PLXNA4: variants seen among roughly 807,000 people sequenced by gnomAD.
PLXNA4 encodes the protein plexin-A4.
PLXNA4 carries 44 observed loss-of-function variants against 191.8 expected under a neutral mutation model. The ratio of observed to expected loss-of-function variants is 0.23; its 90% CI spans 0.18 to 0.29. PLXNA4 has a LOEUF of 0.29. PLXNA4 is among the 10% of genes least tolerant of loss of function. PLXNA4 has a pLI of 1.00. For synonymous variants in PLXNA4, 1,082 were observed against 1,009.5 expected, an observed-to-expected ratio of 1.07 and a Z score of -1.36; for missense variants, 1,800 against 2,488.8, an observed-to-expected ratio of 0.72 and a Z score of 5.89.
intron 5 of PLXNA4, among the ~76,000 whole-genome samples, chr7:132,238,746 C>CA (rs1405862282): frequency 2.6e-5 from 4 of 152,020 alleles, no homozygotes; most frequent in Non-Finnish European, 5.9e-5. Context: ...GGGAACCCCC[C>CA]AGGAAGAGAA....
chr7:132,244,314 A>C (rs1798976725), intron 4 of PLXNA4, among the ~76,000 whole-genome samples: 1 of 152,040 alleles, frequency 6.6e-6, no homozygotes, highest in South Asian at 2.1e-4. Context: ...GCCTCATCTC[A>C]CTTGTTTGGT....
At chr7:132,549,508 A>T (rs1800460256) in intron 1 of PLXNA4, among the ~76,000 whole-genome samples, 1 of 152,194 alleles carries the variant, frequency 6.6e-6, no homozygotes, top group African/African-American at 2.4e-5. Context: ...AACCCTGGTG[A>T]TGCTGACACA....
intron 29 of PLXNA4, among the ~76,000 whole-genome samples, chr7:132,144,363 A>G (rs561025959): frequency 6.6e-6 from 1 of 152,296 alleles, no homozygotes; most frequent in Admixed American, 6.5e-5. Context: ...TGAAATACAA[A>G]TTACTCACAA....
chr7:132,636,183 C>T (rs561817382), intron 2 of PLXNA4, among the ~76,000 whole-genome samples: 3 of 152,230 alleles, frequency 2.0e-5, no homozygotes, highest in South Asian at 2.1e-4. Context: ...CTCAGCTCTG[C>T]GCAAGAACTC....
In PLXNA4 at chr7:132,126,227, A is replaced by AAGTC. The variant is rs1794764840; in HGVS notation, c.*4248_*4251dup. On this transcript the variant is annotated 3_prime_UTR_variant, in exon 32 of 32. Transcript: ENST00000321063. Reference sequence around the variant, plus strand: ...CTTCTTGCAGTGGAGGTCATTTGGGAAGTCATTGCTTGTGGATCCTCGGAT... The same window carrying AAGTC: ...CTTCTTGCAGTGGAGGTCATTTGGGAAGTCAGTCATTGCTTGTGGATCCTCGGAT... 6.6e-6 allele frequency: 1 copy of AAGTC among 152,326 alleles called. No individual in the cohort carries two copies. Among genetic ancestry groups the AAGTC allele is most frequent in the Admixed American group, 6.6e-5 (1 of 15,262 alleles). 9.4% of individuals were successfully genotyped at this position (152,326 alleles called of 1,614,324 possible).
rs1794731294 is a variant in PLXNA4, at chr7:132,125,033, T to C, written c.*5446A>G. The C allele has an allele frequency of 1.3e-5, 2 of 151,032 alleles. 1 individual carries two copies. The highest frequency in any genetic ancestry group is 4.2e-4 in the South Asian group (2 of 4,786). The allele number at this position is 151,032 out of a possible 1,614,324, so 9.4% of individuals were successfully genotyped here. A position where few individuals can be genotyped will look rare whatever the true frequency, so the allele number is the denominator to read the frequency against. ...AATTTTATGGGGGAGCAAAAATTTG[T>C]AGTAAAAAAAAAAAAACTCTCTCTT... On this transcript the variant is annotated 3_prime_UTR_variant, in exon 32 of 32. Coordinates refer to ENST00000321063, the MANE Select transcript of PLXNA4 (RefSeq NM_020911.2).
At chr7:132,173,841 A>G (rs1796366880) in intron 21 of PLXNA4, among the ~76,000 whole-genome samples, 1 of 152,230 alleles carries the variant, frequency 6.6e-6, no homozygotes, top group Non-Finnish European at 1.5e-5. Flanking sequence ...GGTCACTGAC[A>G]TAGCTCCCCA....
At chr7:132,527,118 G>C (rs1799429845) in intron 1 of PLXNA4, among the ~76,000 whole-genome samples, 1 of 152,162 alleles carries the variant, frequency 6.6e-6, no homozygotes, top group Non-Finnish European at 1.5e-5. Context: ...TCCAAACTTA[G>C]GATGTAGATT....
intron 1 of PLXNA4, among the ~76,000 whole-genome samples, chr7:132,516,650 C>T (rs1160054371): frequency 6.6e-6 from 1 of 152,182 alleles, no homozygotes; most frequent in Non-Finnish European, 1.5e-5. Flanking sequence ...AGGATAGATA[C>T]ATTCCAGAGC....
At chr7:132,485,559 T>C (rs937408015) in intron 3 of PLXNA4, among the ~76,000 whole-genome samples, 3 of 152,224 alleles carry the variant, frequency 2.0e-5, no homozygotes, top group Non-Finnish European at 4.4e-5. Context: ...GAGACAACAC[T>C]GAGCTGATTG....
intron 3 of PLXNA4, among the ~76,000 whole-genome samples, chr7:132,302,144 G>C (rs868148154): frequency 6.6e-5 from 10 of 152,224 alleles, no homozygotes; most frequent in African/African-American, 2.2e-4. Context: ...TAAGAGACAG[G>C]AAAAGACAGA....
intron 3 of PLXNA4, among the ~76,000 whole-genome samples, chr7:132,485,348 G>A (rs1438008900): frequency 1.3e-5 from 2 of 152,186 alleles, no homozygotes; most frequent in African/African-American, 4.8e-5. Flanking sequence ...AGCGAGAGGA[G>A]CAATCACACC....
intron 4 of PLXNA4, among the ~76,000 whole-genome samples, chr7:132,284,919 T>C (rs1003292958): frequency 6.6e-6 from 1 of 152,132 alleles, no homozygotes; most frequent in Non-Finnish European, 1.5e-5. Flanking sequence ...TTCACCATGT[T>C]GGCCAGGCTA....
intron 10 of PLXNA4, among the ~76,000 whole-genome samples, chr7:132,205,823 C>T (rs1287236682): frequency 1.3e-5 from 2 of 152,154 alleles, no homozygotes; most frequent in African/African-American, 4.8e-5. Context: ...CTGGCCAAGA[C>T]ACAAAGTAGA....
chr7:132,384,102 A>G, intron 3 of PLXNA4: 1 of 985,442 alleles, frequency 1.0e-6, no homozygotes, highest in Non-Finnish European at 1.2e-6. Flanking sequence ...CAGTGCAAGC[A>G]CACAGATGAA....
intron 21 of PLXNA4, among the ~76,000 whole-genome samples, chr7:132,169,784 C>T (rs1796229714): frequency 6.6e-6 from 1 of 151,854 alleles, no homozygotes; most frequent in Non-Finnish European, 1.5e-5. Flanking sequence ...GGCATGTTCA[C>T]TTGGGGAAAA....
chr7:132,638,643 C>T (rs1803656988), intron 2 of PLXNA4, among the ~76,000 whole-genome samples: 2 of 151,986 alleles, frequency 1.3e-5, no homozygotes, highest in Admixed American at 1.3e-4. Context: ...CAGAGCAAGA[C>T]TCTGTCTCAA....
intron 3 of PLXNA4, among the ~76,000 whole-genome samples, chr7:132,394,803 C>T (rs1371745131): frequency 1.3e-5 from 2 of 152,212 alleles, no homozygotes; most frequent in South Asian, 2.1e-4. Flanking sequence ...GCTGCTGGTC[C>T]ACCCACTGCA....
chr7:132,154,220 C>A (rs533173838), intron 25 of PLXNA4, among the ~76,000 whole-genome samples: 3 of 152,090 alleles, frequency 2.0e-5, no homozygotes, highest in Admixed American at 6.5e-5. Flanking sequence ...TGGCTCTGCA[C>A]GCCTGTCAGC....
Sources: allele counts gnomAD v4.1 joint callset (sites outside exome capture counted in the v4.1 genomes callset), GRCh38; gene constraint gnomAD v4.1.1; transcripts MANE v1.5; gene names NCBI Gene and HGNC (gene_info 2026-07-23, HGNC 2026-07-21).